Variants in NKD1 observed in about 807,000 individuals in gnomAD.
NKD1 encodes NKD inhibitor of Wnt signaling pathway 1.
In NKD1, 21 loss-of-function variants were observed where a neutral mutation model predicts 56.0. The ratio of observed to expected loss-of-function variants is 0.38; its 90% CI spans 0.27 to 0.54. NKD1 has a LOEUF of 0.54. Among genes scored for constraint, NKD1 ranks in the 20% least tolerant of loss-of-function variants. The pLI is 0.82. For synonymous variants in NKD1, 263 were observed against 265.7 expected, an observed-to-expected ratio of 0.99 and a Z score of 0.10; for missense variants, 578 against 642.7, an observed-to-expected ratio of 0.90 and a Z score of 1.09.
chr16:50,564,360 C>T lies in NKD1; in HGVS notation c.192+14805C>T, dbSNP rs542995480. Among the ~76,000 whole-genome samples, 3 of 152,328 alleles carry T rather than the reference C, an allele frequency of 2.0e-5. No homozygotes were observed. The East Asian group carries it at 5.8e-4, about 29-fold the overall frequency. On this transcript the variant is annotated intron_variant, in intron 3 of 9. Transcript: ENST00000268459. ...GGTCTGGGGCACTGGAAGGTAAACTCCCTGCTGAGTTGGAGGCAGCAGCAT... is the reference window on the plus strand; with the variant it reads ...GGTCTGGGGCACTGGAAGGTAAACTTCCTGCTGAGTTGGAGGCAGCAGCAT...
chr16:50,626,821 C>G (rs541921639), intron 6 of NKD1, among the ~76,000 whole-genome samples: 2 of 152,290 alleles, frequency 1.3e-5, no homozygotes, highest in African/African-American at 4.8e-5. Flanking sequence ...GTTACATGCA[C>G]CTGCGCGGCG....
chr16:50,560,823 C>CATCCATCTATCTATCT (rs1555487408), intron 3 of NKD1, among the ~76,000 whole-genome samples: 2 of 148,546 alleles, frequency 1.3e-5, no homozygotes, highest in African/African-American at 5.0e-5. Flanking sequence ...TACCCAAACC[C>CATCCATCTATCTATCT]ATCTATCTAT....
intron 4 of NKD1, among the ~76,000 whole-genome samples, chr16:50,615,002 G>C (rs1228037818): frequency 6.6e-6 from 1 of 152,154 alleles, no homozygotes; most frequent in Non-Finnish European, 1.5e-5. Flanking sequence ...AAACAAGCTG[G>C]GTCAGGTAGG....
rs1178802924 is a variant in NKD1, at chr16:50,635,929, G to C, written c.*2148G>C. ...TGACAGGGTCCAGGATGTGAATGCA[G>C]CTGAGACTGGTTCTTGTCCCTCCCT... On this transcript the variant is annotated 3_prime_UTR_variant, in exon 10 of 10. Coordinates refer to ENST00000268459, the MANE Select transcript of NKD1 (RefSeq NM_033119.5). The surrounding 1 kb of genome is among the most constrained non-coding windows in gnomAD (Gnocchi z 4.1). 6.6e-6 allele frequency: 1 copy of C among 152,274 alleles called. No individual in the cohort carries two copies. Among genetic ancestry groups the C allele is most frequent in the African/African-American group, 2.4e-5 (1 of 41,470 alleles). The allele number at this position is 152,274 out of a possible 1,614,324, so 9.4% of individuals were successfully genotyped here. A position where few individuals can be genotyped will look rare whatever the true frequency, so the allele number is the denominator to read the frequency against.
chr16:50,616,806 T>A (rs1010542972), intron 4 of NKD1, among the ~76,000 whole-genome samples: 2 of 152,146 alleles, frequency 1.3e-5, no homozygotes, highest in African/African-American at 4.8e-5. Context: ...AAGCTGCCCC[T>A]CCTCAAGACA....
Position 50,634,465 on chromosome 16 carries a change from A to C in NKD1, c.*684A>C, listed in dbSNP as rs1461783107. 6.6e-6 allele frequency: 1 copy of C among 151,972 alleles called. No homozygotes were observed. Among genetic ancestry groups the C allele is most frequent in the South Asian group, 2.1e-4 (1 of 4,802 alleles). 9.4% of individuals were successfully genotyped at this position (151,972 alleles called of 1,614,324 possible). ...TCTTCCTTCTCCTTCTTCTCTCTCT[A>C]CTTTACAGTGATACACACACGTATT... On this transcript the variant is annotated 3_prime_UTR_variant, in exon 10 of 10. Coordinates refer to ENST00000268459, the MANE Select transcript of NKD1 (RefSeq NM_033119.5).
intron 3 of NKD1, among the ~76,000 whole-genome samples, chr16:50,560,807 C>G (rs191135466): frequency 7.2e-6 from 1 of 138,580 alleles, no homozygotes; most frequent in African/African-American, 2.7e-5. Flanking sequence ...ACTTTACACA[C>G]ACCTATACCC....
In NKD1 at chr16:50,548,543, G is replaced by A; in HGVS notation, c.-11G>A. 1 of 1,465,018 alleles carries A rather than the reference G, an allele frequency of 6.8e-7. No homozygotes were observed. The highest frequency in any genetic ancestry group is 2.3e-4 in the Middle Eastern group (1 of 4,294). 90.8% of individuals were successfully genotyped at this position (1,465,018 alleles called of 1,614,324 possible). On this transcript the variant is annotated 5_prime_UTR_variant, in exon 1 of 10. Coordinates refer to ENST00000268459, the MANE Select transcript of NKD1 (RefSeq NM_033119.5). The stretch of plus-strand genomic sequence containing the variant: ...TGGCTTAGGGACGCTCCCGGCCGCC[G>A]CAGCCCCAGCATGGGGAAACTTCAC...
In NKD1 at chr16:50,630,290, C is replaced by T. The variant is rs201854354; in HGVS notation, c.567C>T (p.Pro189=). The T allele has an allele frequency of 1.1e-5, 17 of 1,614,154 alleles. No homozygotes were observed. The highest frequency in any genetic ancestry group is 8.9e-5 in the East Asian group (4 of 44,886). The change falls in exon 7 of 10, where the codon CCC becomes CCT. Residue 189 remains proline, a synonymous_variant. Transcript: ENST00000268459. ...KMLRVKLTVA[P]DGSQSKRSVL... ...TGCGGGTAAAGCTCACCGTGGCCCC[C>T]GATGGCAGCCAGAGCAAGAGGAGCG...
intron 4 of NKD1, among the ~76,000 whole-genome samples, chr16:50,614,038 C>A (rs1961908434): frequency 6.6e-6 from 1 of 152,104 alleles, no homozygotes; most frequent in African/African-American, 2.4e-5. Context: ...CAGTAAAATG[C>A]AGCTGGGAGG....
chr16:50,620,978 G>A (rs893066949), intron 4 of NKD1, among the ~76,000 whole-genome samples: 1 of 152,232 alleles, frequency 6.6e-6, no homozygotes, highest in Non-Finnish European at 1.5e-5. Context: ...GCATGTGTGA[G>A]TGTGCATATG....
chr16:50,574,878 C>T, intron 3 of NKD1: 2 of 985,430 alleles, frequency 2.0e-6, no homozygotes, highest in Non-Finnish European at 2.4e-6. Flanking sequence ...TGTGAACACC[C>T]AAGTTTGAAA....
At chr16:50,579,283 C>CA (rs1374999642) in intron 3 of NKD1, among the ~76,000 whole-genome samples, 1 of 149,296 alleles carries the variant, frequency 6.7e-6, no homozygotes, top group African/African-American at 2.5e-5. Flanking sequence ...ACCCGCCACG[C>CA]ATGCCCTGTC....
chr16:50,609,041 T>C (rs28438444), intron 4 of NKD1, among the ~76,000 whole-genome samples: 8,831 of 152,310 alleles, frequency 0.058, 544 homozygotes, highest in African/African-American at 0.15. Flanking sequence ...TCCAGACTGG[T>C]CTTGAACTTC....
At position 50,634,195 on chromosome 16, in the gene NKD1, A is replaced by C. The variant is rs2151281902; in HGVS notation, c.*414A>C. ...CCAGAGACCCTCGAAATCTCCGAGA[A>C]GATAAACAGCTGCTACCTCTTAGTA... On this transcript the variant is annotated 3_prime_UTR_variant, in exon 10 of 10. Coordinates refer to ENST00000268459, the MANE Select transcript of NKD1 (RefSeq NM_033119.5). 1 of 168,126 alleles carries C rather than the reference A, an allele frequency of 5.9e-6. No homozygotes were observed. The highest frequency in any genetic ancestry group is 2.0e-4 in the South Asian group (1 of 4,994). 10.4% of individuals were successfully genotyped at this position (168,126 alleles called of 1,614,324 possible). A position where few individuals can be genotyped will look rare whatever the true frequency, so the allele number is the denominator to read the frequency against.
intron 3 of NKD1, among the ~76,000 whole-genome samples, chr16:50,584,521 C>T (rs1423543675): frequency 6.6e-6 from 1 of 152,180 alleles, no homozygotes; most frequent in Non-Finnish European, 1.5e-5. Flanking sequence ...AAATGTGTAA[C>T]TTTGGGGCAT....
intron 3 of NKD1, among the ~76,000 whole-genome samples, chr16:50,604,175 G>A (rs115063263): frequency 0.01 from 1,589 of 152,322 alleles, 28 homozygotes; most frequent in African/African-American, 0.036. Context: ...CAGGTGCAGT[G>A]GTGAAGGGTA....
chr16:50,579,475 G>A (rs111620376), intron 3 of NKD1, among the ~76,000 whole-genome samples: 2 of 124,298 alleles, frequency 1.6e-5, no homozygotes, highest in Non-Finnish European at 1.7e-5. Context: ...TTAGTCCTGC[G>A]GGCTACCCGC....
chr16:50,596,107 C>T (rs527606991), intron 3 of NKD1, among the ~76,000 whole-genome samples: 43 of 152,318 alleles, frequency 2.8e-4, no homozygotes, highest in South Asian at 6.2e-4. Flanking sequence ...TATGCATGTA[C>T]AGTGAGAGCA....
Sources: allele counts gnomAD v4.1 joint callset (sites outside exome capture counted in the v4.1 genomes callset), GRCh38; gene constraint gnomAD v4.1.1; non-coding constraint Gnocchi (gnomAD v3.1); transcripts MANE v1.5; gene names NCBI Gene and HGNC (gene_info 2026-07-23, HGNC 2026-07-21).